The following STAT5B variants were observed in gnomAD, a reference collection of about 807,000 sequenced individuals.
The protein encoded by STAT5B is signal transducer and activator of transcription 5B.
STAT5B carries 21 observed loss-of-function variants against 107.8 expected under a neutral mutation model. The ratio of observed to expected loss-of-function variants is 0.19; its 90% CI spans 0.14 to 0.28. STAT5B has a LOEUF of 0.28. Among genes scored for constraint, STAT5B ranks in the 10% least tolerant of loss-of-function variants. STAT5B has a pLI of 1.00. For synonymous variants in STAT5B, 325 were observed against 401.7 expected, an observed-to-expected ratio of 0.81 and a Z score of 2.28; for missense variants, 565 against 1,008.2, an observed-to-expected ratio of 0.56 and a Z score of 5.95.
In STAT5B at chr17:42,251,726, G is replaced by C. The variant is rs1207366221; in HGVS notation, c.-10-19589C>G. Among the ~76,000 whole-genome samples the C allele has an allele frequency of 3.3e-5, 5 of 152,098 alleles. No individual in the cohort carries two copies. The South Asian group carries it at 8.3e-4, about 25-fold the overall frequency. On this transcript the variant is annotated intron_variant, in intron 1 of 18. Coordinates refer to ENST00000293328, the MANE Select transcript of STAT5B (RefSeq NM_012448.4). ...ATGAAAATATACAAATAGATTGGGT[G>C]CGGTGGCTCACACCTGTAATCTCAG... is the stretch of plus-strand genomic sequence containing the variant.
At chr17:42,262,890 A>ATG (rs1187616972) in intron 1 of STAT5B, among the ~76,000 whole-genome samples, 3 of 124,456 alleles carry the variant, frequency 2.4e-5, no homozygotes, top group African/African-American at 9.1e-5. Context: ...ACACATATAT[A>ATG]TGTGTGTATA....
chr17:42,260,282 T>C (rs1455045462), intron 1 of STAT5B, among the ~76,000 whole-genome samples: 1 of 152,236 alleles, frequency 6.6e-6, no homozygotes, highest in Non-Finnish European at 1.5e-5. Context: ...ACACAGTTCA[T>C]GCATTTCTGG....
At chr17:42,202,984 C>T (rs1481594618) in intron 16 of STAT5B, 176 bp from the exon 17 acceptor site, 2 of 829,418 alleles carry the variant, frequency 2.4e-6, no homozygotes, top group Non-Finnish European at 3.9e-6. Flanking sequence ...ACTCTCTCAT[C>T]CAGGCTGGAG....
Position 42,216,101 on chromosome 17 carries a change from C to T in STAT5B, c.1386G>A (p.Leu462=), listed in dbSNP as rs760116387. The change falls in exon 12 of 19, where the codon CTG becomes CTA. Residue 462 remains leucine (L), a synonymous_variant. Transcript: ENST00000293328. ...GNELVFQVKT[L]SLPVVVIVHG... is the part of the protein sequence containing the mutation. ...GAACGATCACCACCACTGGCAGGGA[C>T]AGGGTCTAAAAAGACACAAGAGAAG... The T allele has an allele frequency of 1.2e-6, 2 of 1,613,068 alleles. No homozygotes were observed. The highest frequency in any genetic ancestry group is 8.5e-7 in the Non-Finnish European group (1 of 1,179,632).
intron 5 of STAT5B, among the ~76,000 whole-genome samples, chr17:42,221,754 T>C (rs1260905314): frequency 6.6e-6 from 1 of 152,234 alleles, no homozygotes; most frequent in African/African-American, 2.4e-5. Flanking sequence ...TTTCAGGCAT[T>C]GTGCTGGCCT....
chr17:42,252,267 T>C (rs1018308359), intron 1 of STAT5B, among the ~76,000 whole-genome samples: 7 of 152,142 alleles, frequency 4.6e-5, no homozygotes, highest in South Asian at 2.1e-4. Context: ...TAGGTAGAAA[T>C]AGAATCAGTA....
At chr17:42,262,940 A>ATG (rs1444320620) in intron 1 of STAT5B, among the ~76,000 whole-genome samples, 27 of 42,252 alleles carry the variant, frequency 6.4e-4, no homozygotes, top group East Asian at 4.4e-3. Context: ...ATATGTATAT[A>ATG]TATGTGTGTG....
At chr17:42,223,022 T>G (rs897914849) in intron 5 of STAT5B, among the ~76,000 whole-genome samples, 6 of 152,158 alleles carry the variant, frequency 3.9e-5, no homozygotes, top group Non-Finnish European at 8.8e-5. Flanking sequence ...AATTTCCTAT[T>G]TATCATTTCA....
At chr17:42,269,104 C>T (rs918849408) in intron 1 of STAT5B, among the ~76,000 whole-genome samples, 1 of 152,204 alleles carries the variant, frequency 6.6e-6, no homozygotes, top group East Asian at 1.9e-4. Context: ...GATGGAGTCT[C>T]GCTCCGTCTC....
intron 11 of STAT5B, among the ~76,000 whole-genome samples, 155 bp from the exon 12 acceptor site, chr17:42,216,261 T>C (rs1340962191): frequency 6.6e-6 from 1 of 152,084 alleles, no homozygotes; most frequent in Non-Finnish European, 1.5e-5. Flanking sequence ...AGGAATAATA[T>C]GACTTTTCAT....
intron 12 of STAT5B, among the ~76,000 whole-genome samples, chr17:42,214,838 C>A (rs2080157580): frequency 6.6e-6 from 1 of 152,150 alleles, no homozygotes; most frequent in Admixed American, 6.5e-5. Flanking sequence ...CAGCCTGGAC[C>A]TCCTGGGCTC....
intron 9 of STAT5B, 62 bp downstream of exon 9, chr17:42,218,089 T>C: frequency 6.3e-7 from 1 of 1,576,182 alleles, no homozygotes; most frequent in South Asian, 1.2e-5. Context: ...GCAGAATTCT[T>C]TTTTTCCTGT....
At chr17:42,261,251 G>T (rs1369662354) in intron 1 of STAT5B, among the ~76,000 whole-genome samples, 1 of 152,084 alleles carries the variant, frequency 6.6e-6, no homozygotes, top group Non-Finnish European at 1.5e-5. Context: ...ATGTTTTTAG[G>T]AAGTAGAGGA....
intron 1 of STAT5B, among the ~76,000 whole-genome samples, chr17:42,262,966 GTGTGTATATATATATATATA>G (rs1490485532): frequency 3.6e-4 from 14 of 38,734 alleles, no homozygotes; most frequent in Non-Finnish European, 5.1e-4. Flanking sequence ...GTGTGTGTGT[GTGTGTATATATATATATATA>G]TATATATATA....
chr17:42,215,918 G>T, intron 12 of STAT5B, 96 bp downstream of exon 12: 3 of 1,367,482 alleles, frequency 2.2e-6, no homozygotes, highest in Non-Finnish European at 2.0e-6. Context: ...CACTGCACCC[G>T]GCCTTTTCCT....
At chr17:42,269,323 C>T (rs962730775) in intron 1 of STAT5B, 1 of 152,204 alleles carries the variant, frequency 6.6e-6, no homozygotes, top group Non-Finnish European at 1.5e-5. Context: ...ATCCGCTTGC[C>T]TCGGCCTCCC....
intron 1 of STAT5B, among the ~76,000 whole-genome samples, chr17:42,256,718 C>T (rs1407412843): frequency 1.1e-4 from 16 of 151,504 alleles, no homozygotes; most frequent in Middle Eastern, 3.2e-3. Flanking sequence ...AAAAATTAGC[C>T]GGGTGTGGTG....
intron 1 of STAT5B, among the ~76,000 whole-genome samples, chr17:42,253,922 T>A (rs1321227363): frequency 4.1e-4 from 62 of 152,186 alleles, no homozygotes; most frequent in Non-Finnish European, 1.5e-5. Context: ...TAAAAATAAA[T>A]TTTAAAAATA....
chr17:42,248,825 G>A (rs115929367), intron 1 of STAT5B, among the ~76,000 whole-genome samples: 2,722 of 152,308 alleles, frequency 0.018, 78 homozygotes, highest in African/African-American at 0.062. Context: ...AGAAAGCAGC[G>A]AATTCTTGCC....
Sources: allele counts gnomAD v4.1 joint callset (sites outside exome capture counted in the v4.1 genomes callset), GRCh38; gene constraint gnomAD v4.1.1; transcripts MANE v1.5; gene names NCBI Gene and HGNC (gene_info 2026-07-23, HGNC 2026-07-21).